The following PTPRD variants were observed in gnomAD, a reference collection of about 807,000 sequenced individuals.
The protein encoded by PTPRD is receptor-type tyrosine-protein phosphatase delta.
PTPRD carries 34 observed loss-of-function variants against 214.5 expected under a neutral mutation model. The ratio of observed to expected loss-of-function variants is 0.16; its 90% CI spans 0.12 to 0.21. The LOEUF (loss-of-function observed/expected upper bound fraction) is 0.21, where lower values mean the gene tolerates loss of function less well. Among genes scored for constraint, PTPRD ranks in the 10% least tolerant of loss-of-function variants. The pLI is 1.00. For synonymous variants in PTPRD, 1,128 were observed against 845.7 expected, an observed-to-expected ratio of 1.33 and a Z score of -5.79; for missense variants, 2,545 against 2,398.7, an observed-to-expected ratio of 1.06 and a Z score of -1.27.
At chr9:9,384,367 T>G (rs2063240170) in intron 9 of PTPRD, among the ~76,000 whole-genome samples, 3 of 123,088 alleles carry the variant, frequency 2.4e-5, no homozygotes, top group African/African-American at 9.5e-5. Flanking sequence ...TTTTTTTTTT[T>G]TTTTTTTTTT....
intron 9 of PTPRD, among the ~76,000 whole-genome samples, chr9:9,322,504 G>C (rs1267296832): frequency 2.0e-5 from 3 of 152,092 alleles, no homozygotes; most frequent in African/African-American, 7.2e-5. Context: ...ACTATACCAT[G>C]CTACTTCTCA....
chr9:10,234,057 A>G, intron 3 of PTPRD, among the ~76,000 whole-genome samples: 1 of 151,780 alleles, frequency 6.6e-6, no homozygotes, highest in South Asian at 2.1e-4. Flanking sequence ...ATTCGAGACC[A>G]GCCTGGCCAA....
intron 35 of PTPRD, among the ~76,000 whole-genome samples, chr9:8,431,150 A>C (rs527829044): frequency 2.6e-5 from 4 of 152,322 alleles, no homozygotes; most frequent in South Asian, 4.1e-4. Flanking sequence ...TCACCACAAC[A>C]AACAGTCAAT....
intron 35 of PTPRD, among the ~76,000 whole-genome samples, chr9:8,418,711 T>C (rs909122649): frequency 2.0e-5 from 3 of 152,106 alleles, no homozygotes. Context: ...GACTGATGCA[T>C]TCTTCGAGTA....
At chr9:9,790,430 T>C (rs990882135) in intron 5 of PTPRD, among the ~76,000 whole-genome samples, 1 of 152,178 alleles carries the variant, frequency 6.6e-6, no homozygotes, top group Non-Finnish European at 1.5e-5. Flanking sequence ...TCTTAAAACC[T>C]AACTAAGGCT....
intron 14 of PTPRD, among the ~76,000 whole-genome samples, chr9:8,606,275 G>T (rs1008821561): frequency 2.6e-5 from 4 of 152,086 alleles, no homozygotes; most frequent in African/African-American, 9.7e-5. Flanking sequence ...TAGCCAATAG[G>T]CATGATTCTA....
intron 10 of PTPRD, among the ~76,000 whole-genome samples, chr9:9,152,184 A>G (rs1471966416): frequency 6.6e-6 from 1 of 152,180 alleles, no homozygotes; most frequent in East Asian, 1.9e-4. Flanking sequence ...AACTAGCTCC[A>G]TGTCTAATCC....
chr9:10,544,443 C>G (rs2059782685), intron 2 of PTPRD, among the ~76,000 whole-genome samples: 1 of 151,942 alleles, frequency 6.6e-6, no homozygotes, highest in African/African-American at 2.4e-5. Context: ...TTCATTGTTG[C>G]TTTTTTCTTT....
chr9:8,439,935 A>ATTTTTTTTTTTTTTTTTTTTTT lies in PTPRD; in HGVS notation c.3989-3268_3989-3247dup, dbSNP rs1166530719. ...CATTTAAATTACTTGATGTGCTTTAATTTTTTTTTTTTTTTTTTTTTTTTT... is the reference window on the plus strand; with the variant it reads ...CATTTAAATTACTTGATGTGCTTTAATTTTTTTTTTTTTTTTTTTTTTTTTTTTTTTTTTTTTTTTTTTTTTT... On this transcript the variant is annotated intron_variant, in intron 34 of 45. Coordinates refer to ENST00000381196, the MANE Select transcript of PTPRD (RefSeq NM_002839.4). 4.2e-4 allele frequency among the ~76,000 whole-genome samples: 31 copies of ATTTTTTTTTTTTTTTTTTTTTT among 73,314 alleles called. 3 individuals are homozygous for ATTTTTTTTTTTTTTTTTTTTTT. The highest frequency in any genetic ancestry group is 6.7e-4 in the Non-Finnish European group (27 of 40,506). The allele number at this position is 73,314 out of a possible 152,430, so 48.1% of individuals were successfully genotyped here.
At chr9:10,182,399 T>C (rs1167984039) in intron 3 of PTPRD, among the ~76,000 whole-genome samples, 7 of 151,896 alleles carry the variant, frequency 4.6e-5, no homozygotes, top group Admixed American at 4.6e-4. Flanking sequence ...TTGGAATGTC[T>C]AAATTATAGG....
intron 2 of PTPRD, among the ~76,000 whole-genome samples, chr9:10,446,417 CTTTTTTT>C (rs34478548): frequency 2.5e-3 from 228 of 92,956 alleles, no homozygotes; most frequent in East Asian, 0.021. Flanking sequence ...CTATTTTTTT[CTTTTTTT>C]TTTTTTTTTT....
At chr9:10,319,588 C>T (rs1356391722) in intron 3 of PTPRD, among the ~76,000 whole-genome samples, 2 of 151,846 alleles carry the variant, frequency 1.3e-5, no homozygotes, top group Non-Finnish European at 2.9e-5. Flanking sequence ...GAGAGTCACA[C>T]CTTAACATAA....
At chr9:9,459,294 A>C (rs950158070) in intron 8 of PTPRD, among the ~76,000 whole-genome samples, 12 of 152,108 alleles carry the variant, frequency 7.9e-5, no homozygotes, top group African/African-American at 2.9e-4. Context: ...AACAGAAACA[A>C]GATAAGAATG....
At chr9:9,134,865 C>T (rs2099848487) in intron 10 of PTPRD, among the ~76,000 whole-genome samples, 1 of 151,856 alleles carries the variant, frequency 6.6e-6, no homozygotes, top group Non-Finnish European at 1.5e-5. Flanking sequence ...CTGCCGGGTA[C>T]ATTGAAGGTG....
intron 9 of PTPRD, among the ~76,000 whole-genome samples, chr9:9,229,892 C>A (rs1195952529): frequency 6.6e-6 from 1 of 152,036 alleles, no homozygotes; most frequent in Non-Finnish European, 1.5e-5. Context: ...AGAAATTATA[C>A]ACTTTTTAAA....
chr9:8,799,558 A>T (rs2096529268), intron 11 of PTPRD, among the ~76,000 whole-genome samples: 1 of 152,210 alleles, frequency 6.6e-6, no homozygotes, highest in Non-Finnish European at 1.5e-5. Flanking sequence ...TAGTATCTGT[A>T]AAGTAAGCAA....
chr9:10,213,284 A>G (rs1272325784), intron 3 of PTPRD, among the ~76,000 whole-genome samples: 1 of 152,136 alleles, frequency 6.6e-6, no homozygotes, highest in African/African-American at 2.4e-5. Flanking sequence ...AGTTATAACA[A>G]TCTACTCCTG....
intron 2 of PTPRD, among the ~76,000 whole-genome samples, chr9:10,404,008 A>G (rs1179697479): frequency 6.6e-6 from 1 of 151,676 alleles, no homozygotes. Context: ...TTTGGGTGAT[A>G]GTGATGTATC....
chr9:9,437,650 C>A (rs2085855801), intron 8 of PTPRD, among the ~76,000 whole-genome samples: 1 of 152,120 alleles, frequency 6.6e-6, no homozygotes, highest in Non-Finnish European at 1.5e-5. Context: ...TATTCACCAA[C>A]TTCTGAATCA....
Sources: gnomAD v4.1 joint callset for allele counts (sites outside exome capture counted in the v4.1 genomes callset) on GRCh38, gnomAD v4.1.1 for gene constraint, MANE v1.5 for transcripts, NCBI Gene and HGNC (gene_info 2026-07-23, HGNC 2026-07-21) for gene names.